Variants in LAMA3 observed in about 807,000 individuals in gnomAD.
LAMA3 encodes the protein laminin subunit alpha-3.
LAMA3 carries 281 observed loss-of-function variants against 402.0 expected under a neutral mutation model. The observed-to-expected ratio is 0.70, with a 90% confidence interval of 0.63 to 0.77. The LOEUF (loss-of-function observed/expected upper bound fraction) is 0.77, where lower values mean the gene tolerates loss of function less well. Among genes scored for constraint, LAMA3 ranks in the 30% least tolerant of loss-of-function variants. The pLI is 0.00. For missense variants in LAMA3, 3,840 were observed against 4,215.5 expected (o/e 0.91, Z 2.47); for synonymous variants, 1,431 against 1,558.4 (o/e 0.92, Z 1.93).
In LAMA3 at chr18:23,758,519, T is replaced by TG. The variant is rs767799886; in HGVS notation, c.1063+12dup. 1.9e-6 allele frequency: 3 copies of TG among 1,604,592 alleles called. No homozygotes were observed. The highest frequency in any genetic ancestry group is 2.6e-6 in the Non-Finnish European group (3 of 1,175,118). ...AGAGCCACGAGTGTGAAGGTGGGTG[T>TG]GGGGATGGGGTGGGGGCCACACGTG... On this transcript the variant is annotated intron_variant, in intron 7 of 74. Coordinates refer to ENST00000313654, the MANE Select transcript of LAMA3 (RefSeq NM_198129.4).
rs2081299040 is a variant in LAMA3 at position 23,907,829 on chromosome 18, GGATGGGCTCAACCCCATCCAGACA to G, written c.6914_6937del (p.Gly2305_Asp2312del). 6.2e-7 allele frequency: 1 copy of G among 1,614,056 alleles called. No individual in the cohort carries two copies. Among genetic ancestry groups the G allele is most frequent in the African/African-American group, 1.3e-5 (1 of 74,926 alleles). On this transcript the variant is annotated inframe_deletion, in exon 54 of 75. Transcript: ENST00000313654. The stretch of plus-strand genomic sequence containing the variant: ...CCAACGACATCACAGATGAGGTTCT[GGATGGGCTCAACCCCATCCAGACA>G]GATGTGGAAAGAATTAAGGACACCT...
At chr18:23,869,898 C>G (rs1357160024) in intron 37 of LAMA3, among the ~76,000 whole-genome samples, 1 of 152,058 alleles carries the variant, frequency 6.6e-6, no homozygotes, top group Non-Finnish European at 1.5e-5. Flanking sequence ...GAAACCCTGT[C>G]TCTACTAAAA....
intron 2 of LAMA3, among the ~76,000 whole-genome samples, chr18:23,726,466 G>C (rs2145976051): frequency 6.6e-6 from 1 of 152,276 alleles, no homozygotes; most frequent in African/African-American, 2.4e-5. Context: ...GCCAGGATTG[G>C]GTGTCTTTTG....
chr18:23,732,677 A>C (rs2061413093), intron 2 of LAMA3, among the ~76,000 whole-genome samples: 1 of 152,112 alleles, frequency 6.6e-6, no homozygotes, highest in Non-Finnish European at 1.5e-5. Flanking sequence ...TAATTGCTTA[A>C]GAGCACAGGC....
At chr18:23,864,996 C>G in intron 36 of LAMA3, 113 bp downstream of exon 36, 1 of 750,174 alleles carries the variant, frequency 1.3e-6, no homozygotes, top group South Asian at 1.5e-5. Context: ...TAAATCATTT[C>G]CAATATTTTG....
At chr18:23,756,132 C>G (rs1303264085) in intron 6 of LAMA3, among the ~76,000 whole-genome samples, 2 of 152,152 alleles carry the variant, frequency 1.3e-5, no homozygotes, top group African/African-American at 2.4e-5. Flanking sequence ...GCCACTTGTT[C>G]TGTGCTGCCA....
At chr18:23,874,265 A>G (rs919158066) in intron 38 of LAMA3, among the ~76,000 whole-genome samples, 1 of 152,214 alleles carries the variant, frequency 6.6e-6, no homozygotes, top group Non-Finnish European at 1.5e-5. Flanking sequence ...TGTGATATAC[A>G]CTGATAATTA....
At chr18:23,763,727 C>T (rs1224015559) in intron 8 of LAMA3, among the ~76,000 whole-genome samples, 3 of 152,150 alleles carry the variant, frequency 2.0e-5, no homozygotes, top group Non-Finnish European at 4.4e-5. Flanking sequence ...TATGTTTACC[C>T]ACACCCCTTT....
chr18:23,902,325 A>AGG (rs1266137599), intron 48 of LAMA3, among the ~76,000 whole-genome samples: 1 of 152,020 alleles, frequency 6.6e-6, no homozygotes, highest in African/African-American at 2.4e-5. Context: ...ACAGAATGAG[A>AGG]CCTGTCTCAA....
intron 11 of LAMA3, among the ~76,000 whole-genome samples, chr18:23,782,647 A>G (rs2062459564): frequency 6.6e-6 from 1 of 152,206 alleles, no homozygotes; most frequent in South Asian, 2.1e-4. Flanking sequence ...ACACACTCTG[A>G]AAGTTGCTTT....
chr18:23,733,112 C>G (rs533631232), intron 2 of LAMA3, among the ~76,000 whole-genome samples: 44 of 152,056 alleles, frequency 2.9e-4, no homozygotes, highest in Non-Finnish European at 5.3e-4. Flanking sequence ...CAGAGGAGGC[C>G]TAGGTTTCTA....
rs2063252924 is a variant in LAMA3, at chr18:23,819,996, A to G, written c.2303A>G (p.Gln768Arg). The change falls in exon 19 of 75, where the codon CAG becomes CGG. Residue 768 changes from glutamine (Q) to arginine (R), a missense_variant and splice_region_variant. Physicochemically the swap from Gln to Arg is conservative, Grantham distance 43 (BLOSUM62 1). Around this residue, in one of 3 missense-constraint regions of LAMA3, gnomAD observed 2,109 missense variants for 2,376.0 expected, o/e 0.89. Transcript: ENST00000313654. Reference sequence around the variant, plus strand: ...GGATATGCCCAAATGACCTCAGTACAGGTACGCAACCCGAAGAGAGCAGCT... The same window carrying G: ...GGATATGCCCAAATGACCTCAGTACGGGTACGCAACCCGAAGAGAGCAGCT... Reference protein sequence around the residue: ...WRGYAQMTSVQNDVRITLNVG... With the variant: ...WRGYAQMTSVRNDVRITLNVG... 1.9e-6 allele frequency: 3 copies of G among 1,613,956 alleles called. No homozygotes were observed. The highest frequency in any genetic ancestry group is 4.5e-5 in the East Asian group (2 of 44,882).
intron 18 of LAMA3, among the ~76,000 whole-genome samples, chr18:23,818,967 C>T (rs2063229952): frequency 6.6e-6 from 1 of 151,988 alleles, no homozygotes; most frequent in Non-Finnish European, 1.5e-5. Flanking sequence ...CAAAATCTTT[C>T]TTTAGAACAG....
At chr18:23,844,008 T>C (rs1407541109) in intron 29 of LAMA3, among the ~76,000 whole-genome samples, 1 of 152,242 alleles carries the variant, frequency 6.6e-6, no homozygotes, top group African/African-American at 2.4e-5. Flanking sequence ...CCAGACTCTC[T>C]GTGTGGCCCT....
intron 55 of LAMA3, among the ~76,000 whole-genome samples, 172 bp downstream of exon 55, chr18:23,909,467 G>A (rs2081361812): frequency 6.6e-6 from 1 of 152,178 alleles, no homozygotes; most frequent in Non-Finnish European, 1.5e-5. Flanking sequence ...CTTTACAAGT[G>A]TACATGACCT....
intron 23 of LAMA3, among the ~76,000 whole-genome samples, chr18:23,832,083 G>A (rs2063499666): frequency 6.6e-6 from 1 of 152,132 alleles, no homozygotes; most frequent in African/African-American, 2.4e-5. Context: ...TCTTCCAACA[G>A]GTAATCCATA....
chr18:23,828,848 A>G (rs1271175214), intron 23 of LAMA3, among the ~76,000 whole-genome samples: 1 of 152,090 alleles, frequency 6.6e-6, no homozygotes, highest in Non-Finnish European at 1.5e-5. Context: ...TTGGCTCTTT[A>G]TCATATTTAT....
chr18:23,747,202 T>G (rs1042802414), intron 2 of LAMA3, among the ~76,000 whole-genome samples: 2 of 151,994 alleles, frequency 1.3e-5, no homozygotes. Context: ...GACCTCAGGG[T>G]TCAAAATTCA....
intron 32 of LAMA3, among the ~76,000 whole-genome samples, chr18:23,857,237 G>T (rs902305703): frequency 6.6e-6 from 1 of 152,190 alleles, no homozygotes; most frequent in Non-Finnish European, 1.5e-5. Flanking sequence ...CAGCTACTGC[G>T]CTGTGCTGCC....
Sources: gnomAD v4.1 joint callset for allele counts (sites outside exome capture counted in the v4.1 genomes callset) on GRCh38, gnomAD v4.1.1 for gene constraint, gnomAD v4.1.1 regional missense constraint, MANE v1.5 for transcripts, NCBI Gene and HGNC (gene_info 2026-07-23, HGNC 2026-07-21) for gene names.